The following GRIK1 variants were observed in gnomAD, a reference collection of about 807,000 sequenced individuals.
The protein encoded by GRIK1 is glutamate ionotropic receptor kainate type subunit 1, also known as glutamate receptor ionotropic, kainate 1.
In GRIK1, 69 loss-of-function variants were observed where a neutral mutation model predicts 105.7. The observed-to-expected ratio is 0.65, with a 90% CI of 0.54 to 0.80. The LOEUF is 0.80. Among genes scored for constraint, GRIK1 ranks in the 30% least tolerant of loss-of-function variants. The probability of loss-of-function intolerance (pLI) is 0.00; values close to 1 mark genes in which losing one functional copy is unlikely to be tolerated. For synonymous variants in GRIK1, 438 were observed against 431.3 expected (o/e 1.02, Z -0.19); for missense variants, 1,109 against 1,167.3 (o/e 0.95, Z 0.73).
chr21:29,924,615 G>A (rs1263676625), intron 1 of GRIK1, among the ~76,000 whole-genome samples: 1 of 151,992 alleles, frequency 6.6e-6, no homozygotes, highest in East Asian at 1.9e-4. Flanking sequence ...GAAAGACATG[G>A]TATTTAATCT....
chr21:29,833,314 C>T (rs1205977495), intron 1 of GRIK1, among the ~76,000 whole-genome samples: 2 of 152,146 alleles, frequency 1.3e-5, no homozygotes, highest in Admixed American at 6.5e-5. Flanking sequence ...CTGCTCATTA[C>T]CCAGTTCCAA....
At chr21:29,778,651 A>T (rs954970715) in intron 1 of GRIK1, among the ~76,000 whole-genome samples, 1 of 152,228 alleles carries the variant, frequency 6.6e-6, no homozygotes, top group Non-Finnish European at 1.5e-5. Context: ...ATGCCCTATC[A>T]AGAATGCAAT....
intron 1 of GRIK1, among the ~76,000 whole-genome samples, chr21:29,731,736 G>A (rs1226918085): frequency 1.3e-5 from 2 of 152,094 alleles, no homozygotes; most frequent in Non-Finnish European, 2.9e-5. Context: ...AAATTGATGT[G>A]GATGCTCTAC....
At chr21:29,830,871 T>A (rs1442154571) in intron 1 of GRIK1, among the ~76,000 whole-genome samples, 1 of 152,042 alleles carries the variant, frequency 6.6e-6, no homozygotes. Context: ...GAATTCAAGG[T>A]GATGAAATAG....
At chr21:29,599,934 A>G (rs918391146) in intron 7 of GRIK1, among the ~76,000 whole-genome samples, 2 of 152,068 alleles carry the variant, frequency 1.3e-5, no homozygotes, top group Non-Finnish European at 2.9e-5. Flanking sequence ...AAAATACAAA[A>G]TATTAGCCAG....
chr21:29,575,572 G>T (rs891738550), intron 14 of GRIK1, among the ~76,000 whole-genome samples: 3 of 152,094 alleles, frequency 2.0e-5, no homozygotes, highest in African/African-American at 7.2e-5. Flanking sequence ...AGTGGCTCAC[G>T]CTTGCAATTC....
At chr21:29,704,559 C>T (rs982452373) in intron 1 of GRIK1, among the ~76,000 whole-genome samples, 4 of 152,154 alleles carry the variant, frequency 2.6e-5, no homozygotes, top group Non-Finnish European at 4.4e-5. Flanking sequence ...AGTATGTTGT[C>T]CCCAGTAAAT....
At chr21:29,644,924 A>C (rs1197966749) in intron 6 of GRIK1, among the ~76,000 whole-genome samples, 1 of 152,242 alleles carries the variant, frequency 6.6e-6, no homozygotes. Context: ...CAGATAAAGA[A>C]AAAAGATGTT....
intron 1 of GRIK1, among the ~76,000 whole-genome samples, chr21:29,699,548 T>A (rs75433705): frequency 0.036 from 5,552 of 152,262 alleles, 270 homozygotes; most frequent in East Asian, 0.19. Context: ...AGAAATTAAG[T>A]GTCTGTTGTT....
intron 1 of GRIK1, among the ~76,000 whole-genome samples, chr21:29,807,271 C>T (rs1252932707): frequency 1.3e-5 from 2 of 152,074 alleles, no homozygotes; most frequent in African/African-American, 4.8e-5. Context: ...ACTGCCCCTT[C>T]CCTGTGGCGG....
In GRIK1 at chr21:29,689,825, G is replaced by A. The variant is rs549898784; in HGVS notation, c.447C>T (p.Asn149=). Residue 149 remains asparagine (N), a synonymous_variant, in exon 3 of 18, where the codon AAC becomes AAT. Coordinates refer to ENST00000327783, the MANE Select transcript of GRIK1 (RefSeq NM_001330994.2). ...SVDNKDLFYI[N]LYPDYAAISR... is the part of the protein sequence containing the mutation. Reference sequence around the variant, plus strand: ...TGATAGCTGCATAATCTGGGTAAAGGTTGATGTAAAACAAATCTTTGTTGT... The same window carrying A: ...TGATAGCTGCATAATCTGGGTAAAGATTGATGTAAAACAAATCTTTGTTGT... 1.2e-5 allele frequency: 20 copies of A among 1,613,900 alleles called. No homozygotes were observed. Among genetic ancestry groups the A allele is most frequent in the Admixed American group, 1.7e-5 (1 of 60,024 alleles).
intron 14 of GRIK1, among the ~76,000 whole-genome samples, chr21:29,575,450 C>CA (rs1414322406): frequency 1.3e-4 from 20 of 151,612 alleles, no homozygotes; most frequent in Admixed American, 1.1e-3. Flanking sequence ...AATCTATAAA[C>CA]AATGTTTAAA....
intron 1 of GRIK1, among the ~76,000 whole-genome samples, chr21:29,739,672 G>C (rs1426131495): frequency 2.6e-5 from 4 of 152,148 alleles, no homozygotes; most frequent in African/African-American, 9.7e-5. Context: ...TGAACAATAT[G>C]TAAACAAATT....
intron 1 of GRIK1, among the ~76,000 whole-genome samples, chr21:29,706,556 C>T (rs1372536016): frequency 6.6e-6 from 1 of 152,208 alleles, no homozygotes; most frequent in Non-Finnish European, 1.5e-5. Flanking sequence ...TCTGCATTGA[C>T]ATGAATAATG....
intron 1 of GRIK1, among the ~76,000 whole-genome samples, chr21:29,709,743 G>A (rs964547088): frequency 2.0e-5 from 3 of 151,454 alleles, no homozygotes; most frequent in African/African-American, 7.3e-5. Flanking sequence ...TTTCACAGTT[G>A]AGTTTGATCT....
chr21:29,756,649 T>C (rs2832435), intron 1 of GRIK1, among the ~76,000 whole-genome samples: 18,252 of 151,710 alleles, frequency 0.12, 2,519 homozygotes, highest in African/African-American at 0.34. Flanking sequence ...ACTTGTTTCC[T>C]GGCATTCAAG....
rs2090929655 is a variant in GRIK1 at position 29,577,753 on chromosome 21, T to C, written c.1913-572A>G. Reference sequence around the variant, plus strand: ...TCTTATGTTACCTTAAAAGCTACAATTCTTTTTTCTACTGTAGATTTTTAT... The same window carrying C: ...TCTTATGTTACCTTAAAAGCTACAACTCTTTTTTCTACTGTAGATTTTTAT... On this transcript the variant is annotated intron_variant, in intron 13 of 17. Coordinates refer to ENST00000327783, the MANE Select transcript of GRIK1 (RefSeq NM_001330994.2). Among the ~76,000 whole-genome samples the C allele has an allele frequency of 2.0e-5, 3 of 152,326 alleles. No homozygotes were observed. The South Asian group carries it at 6.2e-4, about 32-fold the overall frequency.
intron 4 of GRIK1, among the ~76,000 whole-genome samples, chr21:29,672,032 G>A (rs1054013157): frequency 6.6e-6 from 1 of 150,928 alleles, no homozygotes; most frequent in African/African-American, 2.4e-5. Flanking sequence ...ACCAGTCTGC[G>A]CTTTGTTTCT....
intron 1 of GRIK1, among the ~76,000 whole-genome samples, chr21:29,873,489 C>T (rs1327152491): frequency 6.6e-6 from 1 of 152,180 alleles, no homozygotes; most frequent in African/African-American, 2.4e-5. Context: ...TGTAAATCAA[C>T]CACATAGAGC....
Sources: gnomAD v4.1 joint callset for allele counts (sites outside exome capture counted in the v4.1 genomes callset) on GRCh38, gnomAD v4.1.1 for gene constraint, MANE v1.5 for transcripts, NCBI Gene and HGNC (gene_info 2026-07-23, HGNC 2026-07-21) for gene names.